The following RMDN2 variants were observed in gnomAD, a reference collection of about 807,000 sequenced individuals.
The protein encoded by RMDN2 is regulator of microtubule dynamics 2, also known as regulator of microtubule dynamics protein 2.
Under a neutral mutation model 52.8 loss-of-function variants are expected in RMDN2, and 61 were observed. The ratio of observed to expected loss-of-function variants is 1.16; its 90% CI spans 0.94 to 1.43. The LOEUF (loss-of-function observed/expected upper bound fraction) is 1.43. Ranked by LOEUF, RMDN2 falls within the 40% of genes most tolerant of loss-of-function variation. The pLI is 0.00. For missense variants in RMDN2, 592 were observed against 475.3 expected (o/e 1.25, Z -2.28); for synonymous variants, 180 against 153.1 (o/e 1.18, Z -1.30).
At chr2:38,038,900 G>A (rs188322410) in intron 10 of RMDN2, among the ~76,000 whole-genome samples, 2 of 152,134 alleles carry the variant, frequency 1.3e-5, no homozygotes, top group East Asian at 1.9e-4. Context: ...TTCAGCACTC[G>A]GAGGGCCAGG....
intron 4 of RMDN2, among the ~76,000 whole-genome samples, chr2:37,978,208 T>C (rs1275982370): frequency 1.3e-5 from 2 of 151,342 alleles, no homozygotes; most frequent in Non-Finnish European, 2.9e-5. Flanking sequence ...CAATCGCAGG[T>C]ACTTGGCAGG....
At chr2:37,935,604 T>C (rs994230853) in intron 2 of RMDN2, among the ~76,000 whole-genome samples, 1 of 152,270 alleles carries the variant, frequency 6.6e-6, no homozygotes, top group African/African-American at 2.4e-5. Flanking sequence ...GAAACTGTTA[T>C]CTTGAAGTTG....
At chr2:37,958,733 C>T (rs756197827) in intron 2 of RMDN2, among the ~76,000 whole-genome samples, 1 of 150,826 alleles carries the variant, frequency 6.6e-6, no homozygotes, top group Non-Finnish European at 1.5e-5. Context: ...AAAGGGAATG[C>T]TTCCAGCTTT....
chr2:37,948,816 T>A (rs1026211370), intron 2 of RMDN2, among the ~76,000 whole-genome samples: 1 of 152,176 alleles, frequency 6.6e-6, no homozygotes, highest in Non-Finnish European at 1.5e-5. Flanking sequence ...TAGATTTGCT[T>A]GAATAAGGTC....
chr2:37,966,697 G>A (rs964019405), intron 2 of RMDN2, among the ~76,000 whole-genome samples: 2 of 151,864 alleles, frequency 1.3e-5, no homozygotes, highest in African/African-American at 4.8e-5. Flanking sequence ...GCCTGTTTGA[G>A]TCTTCTGTTG....
chr2:37,963,930 C>T lies in RMDN2; in HGVS notation c.453-10110C>T, dbSNP rs559421770. Among the ~76,000 whole-genome samples the T allele has an allele frequency of 4.8e-3, 716 of 148,862 alleles. 3 individuals are homozygous for T. Among genetic ancestry groups the T allele is most frequent in the Non-Finnish European group, 7.6e-3 (509 of 67,010 alleles). On this transcript the variant is annotated intron_variant, in intron 2 of 10. Transcript: ENST00000354545. ...CCCCCCCACCTCCCGGACGGGGCGG[C>T]GGCCAGGCGGAGGTGCCCCCCACCT...
chr2:38,043,404 T>C (rs1179274999), intron 10 of RMDN2, among the ~76,000 whole-genome samples: 2 of 152,162 alleles, frequency 1.3e-5, no homozygotes, highest in Non-Finnish European at 1.5e-5. Context: ...AGGTTTCTTA[T>C]AGGCCACATA....
intron 10 of RMDN2, among the ~76,000 whole-genome samples, chr2:38,005,506 A>C: frequency 6.6e-6 from 1 of 152,084 alleles, no homozygotes; most frequent in East Asian, 1.9e-4. Context: ...TCTTCTTTTG[A>C]GAAGTGTCTG....
intron 5 of RMDN2, 39 bp downstream of exon 5, chr2:37,981,382 C>T (rs925040344): frequency 1.5e-6 from 2 of 1,294,190 alleles, no homozygotes; most frequent in African/African-American, 2.9e-5. Flanking sequence ...TAAATTCTAA[C>T]CTGCCTCTTT....
intron 2 of RMDN2, among the ~76,000 whole-genome samples, chr2:37,930,218 TA>T (rs142038356): frequency 0.011 from 1,700 of 152,344 alleles, 30 homozygotes; most frequent in African/African-American, 0.039. Flanking sequence ...GTTGTAATTT[TA>T]TTTAATTGTA....
chr2:37,960,492 TGATA>T (rs1414760448), intron 2 of RMDN2, among the ~76,000 whole-genome samples: 2 of 152,194 alleles, frequency 1.3e-5, no homozygotes, highest in African/African-American at 4.8e-5. Context: ...TCCATTTGCT[TGATA>T]AATATTCCTC....
chr2:38,043,880 G>A (rs1681112090), intron 10 of RMDN2, among the ~76,000 whole-genome samples: 1 of 151,850 alleles, frequency 6.6e-6, no homozygotes, highest in Non-Finnish European at 1.5e-5. Context: ...ACTTTGAATA[G>A]TTATCTATTA....
chr2:37,988,705 A>C (rs1674367880), intron 5 of RMDN2, among the ~76,000 whole-genome samples: 1 of 152,242 alleles, frequency 6.6e-6, no homozygotes, highest in Non-Finnish European at 1.5e-5. Flanking sequence ...CCTACTCGAA[A>C]TATTTAAGTA....
At chr2:37,974,964 T>C (rs1337214722) in intron 3 of RMDN2, 1 of 419,430 alleles carries the variant, frequency 2.4e-6, no homozygotes, top group East Asian at 5.1e-5. Context: ...TCTGCATAGA[T>C]GGAGCTAGTG....
At chr2:38,030,286 T>C (rs1680095245) in intron 10 of RMDN2, 1 of 152,268 alleles carries the variant, frequency 6.6e-6, no homozygotes, top group Non-Finnish European at 1.5e-5. Flanking sequence ...ACAGACCACA[T>C]ATGAAGGTTA....
intron 10 of RMDN2, among the ~76,000 whole-genome samples, chr2:38,064,743 A>G (rs1682199361): frequency 6.6e-6 from 1 of 151,650 alleles, no homozygotes; most frequent in Admixed American, 6.6e-5. Flanking sequence ...TATGGGAAGT[A>G]TTGAAAAATG....
chr2:38,026,667 T>C (rs1679803659), intron 10 of RMDN2, among the ~76,000 whole-genome samples: 1 of 152,164 alleles, frequency 6.6e-6, no homozygotes, highest in South Asian at 2.1e-4. Flanking sequence ...GTTTGTTACA[T>C]AGGTATACAC....
chr2:37,929,673 C>A lies in RMDN2; in HGVS notation c.396C>A (p.Pro132=). 6.5e-7 allele frequency: 1 copy of A among 1,534,326 alleles called. No homozygotes were observed. Among genetic ancestry groups the A allele is most frequent in the Non-Finnish European group, 8.7e-7 (1 of 1,142,864 alleles). The change falls in exon 2 of 11, where the codon CCC becomes CCA. Residue 132 remains proline, a synonymous_variant. Transcript: ENST00000354545. ...ACAGAGCGAGAAAAAGAAGACTCCC[C>A]ACAATTCAAAGTTCAGCAACAAGTA... ...PQHRARKRRL[P]TIQSSATSNS...
At chr2:37,941,742 C>T (rs1388029006) in intron 2 of RMDN2, among the ~76,000 whole-genome samples, 1 of 152,138 alleles carries the variant, frequency 6.6e-6, no homozygotes, top group Non-Finnish European at 1.5e-5. Context: ...GATGCCCCTT[C>T]CCCACCATGC....
Sources: allele counts gnomAD v4.1 joint callset (sites outside exome capture counted in the v4.1 genomes callset), GRCh38; gene constraint gnomAD v4.1.1; transcripts MANE v1.5; gene names NCBI Gene and HGNC (gene_info 2026-07-23, HGNC 2026-07-21).